The following XKR6 variants were observed in gnomAD, a reference collection of about 807,000 sequenced individuals.
The protein encoded by XKR6 is XK-related protein 6.
A neutral mutation model predicts 56.7 loss-of-function variants in XKR6; 22 were observed. The ratio of observed to expected loss-of-function variants is 0.39; its 90% CI spans 0.28 to 0.55. The LOEUF (loss-of-function observed/expected upper bound fraction) is 0.55. Among genes scored for constraint, XKR6 ranks in the 20% least tolerant of loss-of-function variants. The probability of loss-of-function intolerance (pLI) is 0.66; values close to 1 mark genes in which losing one functional copy is unlikely to be tolerated. For missense variants in XKR6, 852 were observed against 889.0 expected, an observed-to-expected ratio of 0.96 and a Z score of 0.53; for synonymous variants, 524 against 387.8, an observed-to-expected ratio of 1.35 and a Z score of -4.13.
chr8:10,957,873 GA>G (rs1419749591), intron 1 of XKR6, among the ~76,000 whole-genome samples: 1 of 151,904 alleles, frequency 6.6e-6, no homozygotes, highest in East Asian at 1.9e-4. Flanking sequence ...CAACAATATC[GA>G]ATCTAAAAAT....
chr8:11,102,330 T>C (rs1798515679), intron 1 of XKR6, among the ~76,000 whole-genome samples: 1 of 152,182 alleles, frequency 6.6e-6, no homozygotes, highest in Non-Finnish European at 1.5e-5. Context: ...CCATGCTTTG[T>C]GTCTTTTGCT....
At chr8:11,152,947 T>C (rs1004515131) in intron 1 of XKR6, among the ~76,000 whole-genome samples, 2 of 152,224 alleles carry the variant, frequency 1.3e-5, no homozygotes, top group African/African-American at 4.8e-5. Flanking sequence ...AGCCCACAGA[T>C]CTGCACTAGC....
intron 2 of XKR6, among the ~76,000 whole-genome samples, chr8:10,903,083 T>C (rs1800085798): frequency 1.3e-5 from 2 of 152,262 alleles, no homozygotes; most frequent in Middle Eastern, 3.4e-3. Flanking sequence ...GCCCTTGCCC[T>C]GGTGGGACTC....
At chr8:11,149,398 A>G (rs944048706) in intron 1 of XKR6, among the ~76,000 whole-genome samples, 1 of 152,182 alleles carries the variant, frequency 6.6e-6, no homozygotes, top group Admixed American at 6.5e-5. Context: ...ATTTTATGCA[A>G]CCACCGTCGT....
intron 1 of XKR6, among the ~76,000 whole-genome samples, chr8:11,139,917 C>G (rs1175867910): frequency 1.3e-5 from 2 of 152,152 alleles, no homozygotes; most frequent in Admixed American, 1.3e-4. Context: ...ACAATTCAAA[C>G]TGAGCTAAAG....
intron 1 of XKR6, among the ~76,000 whole-genome samples, chr8:10,954,628 T>C (rs754959952): frequency 6.6e-6 from 1 of 152,198 alleles, no homozygotes; most frequent in African/African-American, 2.4e-5. Context: ...TTCCTGATGG[T>C]GTCCTCTGAA....
intron 1 of XKR6, chr8:11,124,183 A>T: frequency 2.8e-6 from 1 of 358,200 alleles, no homozygotes; most frequent in Non-Finnish European, 5.5e-6. Context: ...TAATCATTTG[A>T]GGGAGAAAAA....
At position 11,200,830 on chromosome 8, in the gene XKR6, C is replaced by G. The variant is rs770798834; in HGVS notation, c.510G>C (p.Leu170=). ...VYFGLTLFFV[L]VPSLLVQSLS... Reference sequence around the variant, plus strand: ...GGCTCTGCACCAGCAGCGACGGCACCAGCACGAAGAAGAGGGTCAGCCCGA... The same window carrying G: ...GGCTCTGCACCAGCAGCGACGGCACGAGCACGAAGAAGAGGGTCAGCCCGA... Residue 170 remains leucine, a synonymous_variant, in exon 1 of 3, where the codon CTG becomes CTC. Coordinates refer to ENST00000416569, the MANE Select transcript of XKR6 (RefSeq NM_173683.4). This position sits in a 1 kb window ranked among gnomAD's most constrained non-coding sequence, Gnocchi z 6.4. 1.2e-6 allele frequency: 2 copies of G among 1,611,978 alleles called. No homozygotes were observed. Among genetic ancestry groups the G allele is most frequent in the South Asian group, 2.2e-5 (2 of 90,996 alleles).
chr8:11,029,137 C>G (rs1798935698), intron 1 of XKR6, among the ~76,000 whole-genome samples: 1 of 152,122 alleles, frequency 6.6e-6, no homozygotes, highest in Admixed American at 6.5e-5. Context: ...TGAGCTGTCC[C>G]CAAGAACCCA....
At chr8:11,077,955 C>T (rs1208261706) in intron 1 of XKR6, among the ~76,000 whole-genome samples, 2 of 152,074 alleles carry the variant, frequency 1.3e-5, no homozygotes, top group Non-Finnish European at 2.9e-5. Context: ...GCTGGCCCTG[C>T]TGGGCAGGGG....
At chr8:11,121,180 G>T (rs1170211938) in intron 1 of XKR6, among the ~76,000 whole-genome samples, 1 of 152,130 alleles carries the variant, frequency 6.6e-6, no homozygotes, top group Non-Finnish European at 1.5e-5. Flanking sequence ...AGCCAAAATT[G>T]ACAAATGGGA....
chr8:11,187,113 A>G (rs944922118), intron 1 of XKR6, among the ~76,000 whole-genome samples: 3 of 152,194 alleles, frequency 2.0e-5, no homozygotes, highest in East Asian at 3.8e-4. Flanking sequence ...AAACCTCACT[A>G]TAACCATATT....
chr8:11,022,605 C>T (rs1267378584), intron 1 of XKR6, among the ~76,000 whole-genome samples: 3 of 152,190 alleles, frequency 2.0e-5, no homozygotes, highest in African/African-American at 4.8e-5. Context: ...AGAATGCATG[C>T]GCTTCCTCCA....
chr8:11,195,745 T>A (rs1275804917), intron 1 of XKR6, among the ~76,000 whole-genome samples: 3 of 150,988 alleles, frequency 2.0e-5, no homozygotes, highest in African/African-American at 7.3e-5. Context: ...ACCTCCCGGG[T>A]TGACGCCATT....
At chr8:11,012,337 A>G (rs191245083) in intron 1 of XKR6, among the ~76,000 whole-genome samples, 1 of 152,206 alleles carries the variant, frequency 6.6e-6, no homozygotes, top group Admixed American at 6.5e-5. Flanking sequence ...CTGGCTCTCC[A>G]TTTCTTATTT....
At position 11,036,123 on chromosome 8, in the gene XKR6, G is replaced by C. The variant is rs541609298; in HGVS notation, c.765-111293C>G. 2.0e-4 allele frequency among the ~76,000 whole-genome samples: 31 copies of C among 151,478 alleles called. No homozygotes were observed. In the East Asian group the frequency reaches 6.0e-3, roughly 29 times the overall value. ...CATACCAGGCTAATTGTTTTTCTTAGTTTTTGTAGAGATGGGGTCTCACTG... is the reference window on the plus strand; with the variant it reads ...CATACCAGGCTAATTGTTTTTCTTACTTTTTGTAGAGATGGGGTCTCACTG... On this transcript the variant is annotated intron_variant, in intron 1 of 2. Transcript: ENST00000416569.
intron 1 of XKR6, among the ~76,000 whole-genome samples, chr8:11,140,108 C>A (rs73198943): frequency 6.7e-6 from 1 of 148,194 alleles, no homozygotes; most frequent in African/African-American, 2.5e-5. Flanking sequence ...ACAGGCGGCT[C>A]GAAGAAGAAA....
At chr8:10,998,338 C>G (rs1798162391) in intron 1 of XKR6, among the ~76,000 whole-genome samples, 1 of 152,048 alleles carries the variant, frequency 6.6e-6, no homozygotes. Flanking sequence ...GTTTTAACAC[C>G]AGCTGTCACA....
rs557949249 is a variant in XKR6 at position 10,983,796 on chromosome 8, C to T, written c.765-58966G>A. On this transcript the variant is annotated intron_variant, in intron 1 of 2. Transcript: ENST00000416569. ...TCAGCCTCCCAAGTAGCTGGGACTACAGGTGCCCGCCACCATGCCCGGCTA... is the reference window on the plus strand; with the variant it reads ...TCAGCCTCCCAAGTAGCTGGGACTATAGGTGCCCGCCACCATGCCCGGCTA... Among the ~76,000 whole-genome samples the T allele has an allele frequency of 1.0e-3, 158 of 152,168 alleles. 3 individuals carry two copies. Among genetic ancestry groups the T allele is most frequent in the African/African-American group, 3.7e-3 (152 of 41,496 alleles).
Sources: allele counts gnomAD v4.1 joint callset (sites outside exome capture counted in the v4.1 genomes callset), GRCh38; gene constraint gnomAD v4.1.1; non-coding constraint Gnocchi (gnomAD v3.1); transcripts MANE v1.5; gene names NCBI Gene and HGNC (gene_info 2026-07-23, HGNC 2026-07-21).